The following NBAS variants were observed in gnomAD, a reference collection of about 807,000 sequenced individuals.
The protein encoded by NBAS is NAG/BC035112 fusion.
In NBAS, 219 loss-of-function variants were observed where a neutral mutation model predicts 302.5. The observed-to-expected ratio is 0.72, with a 90% CI of 0.65 to 0.81. The LOEUF is 0.81. Among genes scored for constraint, NBAS ranks in the 30% least tolerant of loss-of-function variants. NBAS has a pLI of 0.00. For missense variants in NBAS, 2,932 were observed against 2,841.6 expected (o/e 1.03, Z -0.72); for synonymous variants, 1,118 against 1,021.6 (o/e 1.09, Z -1.80).
chr2:15,245,263 C>G (rs995165011), intron 44 of NBAS, among the ~76,000 whole-genome samples: 9 of 152,126 alleles, frequency 5.9e-5, no homozygotes, highest in Admixed American at 4.6e-4. Context: ...TATCCCCTCC[C>G]TGCCTTCACA....
Position 15,192,170 on chromosome 2 carries a change from G to A in NBAS, c.6433-1767C>T, listed in dbSNP as rs78968641. ...ATTTACTTGTTGCCTTTCTTCTTCC[G>A]TAAGAAATGTAAGATTGCCTTTCTT... On this transcript the variant is annotated intron_variant, in intron 48 of 51. Coordinates refer to ENST00000281513, the MANE Select transcript of NBAS (RefSeq NM_015909.4). 7.2e-3 allele frequency among the ~76,000 whole-genome samples: 1,083 copies of A among 151,074 alleles called. 43 individuals are homozygous for A. Among genetic ancestry groups the A allele is most frequent in the Admixed American group, 0.058 (883 of 15,186 alleles).
At chr2:14,814,227 G>T in the NBAS span, among the ~76,000 whole-genome samples, 3 of 152,222 alleles carry the variant, frequency 2.0e-5, no homozygotes, top group Non-Finnish European at 2.9e-5. Context: ...GTCCCCACTG[G>T]GGCACTGCCT....
intron 11 of NBAS, among the ~76,000 whole-genome samples, chr2:15,500,929 AAAG>A (rs1394174767): frequency 1.3e-5 from 2 of 152,042 alleles, no homozygotes; most frequent in Admixed American, 6.5e-5. Context: ...CTCAAAAAAA[AAAG>A]AAAAAAAAGA....
intron 48 of NBAS, among the ~76,000 whole-genome samples, chr2:15,193,553 G>A (rs1665464127): frequency 6.6e-6 from 1 of 152,030 alleles, no homozygotes; most frequent in Non-Finnish European, 1.5e-5. Context: ...AAAAACGAAT[G>A]TTAATATTAT....
the NBAS span, among the ~76,000 whole-genome samples, chr2:15,137,672 G>A: frequency 2.0e-5 from 3 of 152,214 alleles, no homozygotes; most frequent in Non-Finnish European, 4.4e-5. Flanking sequence ...AGCCTCTCAA[G>A]AGAGTTCTCT....
At chr2:14,951,814 G>A in the NBAS span, among the ~76,000 whole-genome samples, 1 of 152,118 alleles carries the variant, frequency 6.6e-6, no homozygotes, top group Non-Finnish European at 1.5e-5. Flanking sequence ...ATGGGAGCAG[G>A]CAGAAAGGTA....
chr2:15,287,995 C>T (rs1418424095), intron 41 of NBAS, among the ~76,000 whole-genome samples: 7 of 151,708 alleles, frequency 4.6e-5, no homozygotes, highest in Non-Finnish European at 1.0e-4. Context: ...ATGGGCATCC[C>T]GAGCACCCAG....
At chr2:15,504,838 C>T (rs371570842) in intron 10 of NBAS, among the ~76,000 whole-genome samples, 3 of 152,166 alleles carry the variant, frequency 2.0e-5, no homozygotes, top group South Asian at 2.1e-4. Context: ...AACTAACATA[C>T]GACCCAGCAA....
At chr2:15,125,321 G>A in the NBAS span, among the ~76,000 whole-genome samples, 293 of 152,298 alleles carry the variant, frequency 1.9e-3, 2 homozygotes, top group South Asian at 0.018. Context: ...TTACAATCAT[G>A]GCAGAAGATG....
the NBAS span, among the ~76,000 whole-genome samples, chr2:14,934,582 A>G: frequency 0.16 from 23,718 of 152,106 alleles, 2,543 homozygotes; most frequent in African/African-American, 0.31. Context: ...AAATGAAACC[A>G]CTTTCCATTT....
the NBAS span, among the ~76,000 whole-genome samples, chr2:15,065,624 C>T: frequency 1.3e-5 from 2 of 152,076 alleles, no homozygotes; most frequent in Admixed American, 1.3e-4. Context: ...ATTAGGAAAA[C>T]AATCTTATTT....
the NBAS span, among the ~76,000 whole-genome samples, chr2:15,081,122 G>C: frequency 6.6e-6 from 1 of 152,146 alleles, no homozygotes; most frequent in South Asian, 2.1e-4. Flanking sequence ...AGTTACCTCT[G>C]GCTCAAGCAA....
intron 35 of NBAS, among the ~76,000 whole-genome samples, chr2:15,348,775 C>A (rs1572698887): frequency 6.6e-6 from 1 of 151,720 alleles, no homozygotes; most frequent in South Asian, 2.1e-4. Context: ...GTGTTTCCAA[C>A]TGAGCTTTAT....
intron 48 of NBAS, among the ~76,000 whole-genome samples, chr2:15,214,783 T>G (rs1291077807): frequency 6.6e-6 from 1 of 152,190 alleles, no homozygotes; most frequent in Non-Finnish European, 1.5e-5. Context: ...ATTTTGGAAA[T>G]ATAGTCAAAC....
chr2:15,298,865 G>A (rs973345055), intron 40 of NBAS, among the ~76,000 whole-genome samples: 2 of 152,126 alleles, frequency 1.3e-5, no homozygotes, highest in African/African-American at 2.4e-5. Flanking sequence ...TTAGAGACAC[G>A]CCCATTTGTA....
At chr2:15,491,533 G>A (rs1404599019) in intron 11 of NBAS, among the ~76,000 whole-genome samples, 3 of 152,066 alleles carry the variant, frequency 2.0e-5, no homozygotes, top group Admixed American at 1.3e-4. Flanking sequence ...TCAGGAGATC[G>A]AGACCATCCT....
chr2:15,374,839 C>A, intron 30 of NBAS, 119 bp from the exon 31 acceptor site: 1 of 831,484 alleles, frequency 1.2e-6, no homozygotes, highest in Non-Finnish European at 2.0e-6. Flanking sequence ...GAATTCATTC[C>A]GCTGGATGCC....
intron 42 of NBAS, among the ~76,000 whole-genome samples, chr2:15,281,002 A>T (rs1036977465): frequency 2.0e-5 from 3 of 152,202 alleles, no homozygotes; most frequent in Non-Finnish European, 4.4e-5. Flanking sequence ...TTTTGCCAAC[A>T]TTCTGGCCAA....
the NBAS span, among the ~76,000 whole-genome samples, chr2:14,997,268 A>G: frequency 3.3e-5 from 5 of 152,124 alleles, no homozygotes; most frequent in African/African-American, 9.7e-5. Flanking sequence ...GCCCGATTAC[A>G]TGAGTTTACT....
Sources: allele counts gnomAD v4.1 joint callset (sites outside exome capture counted in the v4.1 genomes callset), GRCh38; gene constraint gnomAD v4.1.1; transcripts MANE v1.5; gene names NCBI Gene and HGNC (gene_info 2026-07-23, HGNC 2026-07-21).